Variants in LAMB1 observed in about 807,000 individuals in gnomAD.
LAMB1 encodes the protein laminin subunit beta 1.
A neutral mutation model predicts 222.3 loss-of-function variants in LAMB1; 121 were observed. The ratio of observed to expected loss-of-function variants is 0.54; its 90% CI spans 0.47 to 0.63. The LOEUF (loss-of-function observed/expected upper bound fraction) is 0.63, where lower values mean the gene tolerates loss of function less well. Ranked by LOEUF, LAMB1 falls within the 30% of genes least tolerant of loss-of-function variation. The pLI is 0.00. For synonymous variants in LAMB1, 794 were observed against 807.2 expected (o/e 0.98, Z 0.28); for missense variants, 2,172 against 2,240.8 (o/e 0.97, Z 0.62).
At chr7:108,002,496 T>C (rs2034410969) in intron 2 of LAMB1, 1 of 1,169,330 alleles carries the variant, frequency 8.6e-7, no homozygotes, top group South Asian at 1.6e-5. Flanking sequence ...CAATGGATTT[T>C]TGGAGAGCCC....
In LAMB1 at chr7:107,999,247, C is replaced by T. The variant is rs111822575; in HGVS notation, c.214-755G>A. On this transcript the variant is annotated intron_variant, in intron 3 of 33. Transcript: ENST00000222399. Reference sequence around the variant, plus strand: ...CTCCTAAAATGGGAGCCAGAGCCACCTGGGCAGTTGGGTTAGGAGAGTTAT... The same window carrying T: ...CTCCTAAAATGGGAGCCAGAGCCACTTGGGCAGTTGGGTTAGGAGAGTTAT... 1.0e-2 allele frequency among the ~76,000 whole-genome samples: 1,521 copies of T among 152,312 alleles called. 12 individuals carry two copies. The highest frequency in any genetic ancestry group is 0.027 in the South Asian group (132 of 4,822).
At chr7:107,954,190 T>C (rs2033325284) in intron 21 of LAMB1, among the ~76,000 whole-genome samples, 1 of 152,054 alleles carries the variant, frequency 6.6e-6, no homozygotes, top group African/African-American at 2.4e-5. Context: ...GGCCTTGCTT[T>C]ATCACCCAGG....
At position 107,980,728 on chromosome 7, in the gene LAMB1, T is replaced by C. The variant is rs774394092; in HGVS notation, c.760A>G (p.Ile254Val). The C allele has an allele frequency of 6.2e-7, 1 of 1,613,210 alleles. No homozygotes were observed. The highest frequency in any genetic ancestry group is 8.5e-7 in the Non-Finnish European group (1 of 1,179,144). The change falls in exon 8 of 34, where the codon ATC becomes GTC. Residue 254 changes from isoleucine to valine, a missense_variant. Transcript: ENST00000222399. ...GDNLLDSRME[I>V]REKYYYAVYD... ...ACTGCATAATAATACTTTTCTCTGA[T>C]TTCCATCCTGGAATCCAGAAGGTTA...
chr7:107,976,448 T>C (rs1291288183), intron 9 of LAMB1, among the ~76,000 whole-genome samples: 4 of 152,168 alleles, frequency 2.6e-5, no homozygotes, highest in Non-Finnish European at 5.9e-5. Flanking sequence ...AGCGCTTCCT[T>C]CTGCGAGCCC....
In LAMB1 at chr7:107,975,222, A is replaced by T; in HGVS notation, c.1369+12T>A. 1 of 1,603,008 alleles carries T rather than the reference A, an allele frequency of 6.2e-7. No individual in the cohort carries two copies. The highest frequency in any genetic ancestry group is 1.1e-5 in the South Asian group (1 of 90,268). ...CAAGAAAACTCCCAAACTTTTTAGCAAACAGACCTACATTTACAACCAAAT... is the reference window on the plus strand; with the variant it reads ...CAAGAAAACTCCCAAACTTTTTAGCTAACAGACCTACATTTACAACCAAAT... On this transcript the variant is annotated intron_variant, in intron 11 of 33. Transcript: ENST00000222399.
rs938276806 is a variant in LAMB1 at position 108,003,142 on chromosome 7, A to G, written c.-118T>C. 2 of 639,178 alleles carry G rather than the reference A, an allele frequency of 3.1e-6. No individual in the cohort carries two copies. Among genetic ancestry groups the G allele is most frequent in the Non-Finnish European group, 5.0e-6 (2 of 399,168 alleles). The allele number at this position is 639,178 out of a possible 1,614,324, so 39.6% of individuals were successfully genotyped here. On this transcript the variant is annotated 5_prime_UTR_variant, in exon 1 of 34. Coordinates refer to ENST00000222399, the MANE Select transcript of LAMB1 (RefSeq NM_002291.3). Reference sequence around the variant, plus strand: ...ACGCGAGCTCTCGCCCTGCTCCGGGAGCCCCCGAGCCCAAAGAAGGGAATT... The same window carrying G: ...ACGCGAGCTCTCGCCCTGCTCCGGGGGCCCCCGAGCCCAAAGAAGGGAATT...
intron 33 of LAMB1, 22 bp downstream of exon 33, chr7:107,924,208 A>C: frequency 1.9e-6 from 3 of 1,577,892 alleles, no homozygotes; most frequent in Non-Finnish European, 1.7e-6. Context: ...TTTAAAAAAT[A>C]AGCCTGTGTG....
rs545994571 is a variant in LAMB1 at position 107,977,286 on chromosome 7, C to A, written c.1000+761G>T. Among the ~76,000 whole-genome samples the A allele has an allele frequency of 9.9e-5, 15 of 152,242 alleles. No individual in the cohort carries two copies. The South Asian group carries it at 2.5e-3, about 25-fold the overall frequency. ...TCAAGGGGAGGACATGCATCAGAAT[C>A]ACTGTTTGTGGAGTGGGGAGGGGCA... On this transcript the variant is annotated intron_variant, in intron 9 of 33. Coordinates refer to ENST00000222399, the MANE Select transcript of LAMB1 (RefSeq NM_002291.3).
chr7:107,996,877 A>C (rs146247755), intron 4 of LAMB1, among the ~76,000 whole-genome samples: 2 of 152,358 alleles, frequency 1.3e-5, no homozygotes, highest in East Asian at 3.9e-4. Context: ...GGAGATCAGG[A>C]AATGTTCCTA....
chr7:107,983,547 CTTTTTTTTTTTTTTT>C (rs11458116), intron 7 of LAMB1, among the ~76,000 whole-genome samples: 1 of 111,142 alleles, frequency 9.0e-6, no homozygotes, highest in African/African-American at 3.6e-5. Context: ...CTCCAAAGCC[CTTTTTTTTTTTTTTT>C]TTTTTTTTGA....
intron 5 of LAMB1, among the ~76,000 whole-genome samples, chr7:107,993,908 G>T (rs1457941775): frequency 6.6e-6 from 1 of 152,150 alleles, no homozygotes; most frequent in Non-Finnish European, 1.5e-5. Flanking sequence ...GGGGATAAAG[G>T]CTCAGAGGCA....
At chr7:107,954,124 A>C (rs976918357) in intron 21 of LAMB1, among the ~76,000 whole-genome samples, 1 of 152,008 alleles carries the variant, frequency 6.6e-6, no homozygotes, top group African/African-American at 2.4e-5. Flanking sequence ...TAACAATGTA[A>C]AGCATAGCTT....
At position 107,955,568 on chromosome 7, in the gene LAMB1, G is replaced by A; in HGVS notation, c.2753C>T (p.Pro918Leu). ...IGSGDHCRPC[P>L]CPDGPDSGRQ... ...TCCACTGTCGGGACCATCTGGGCAA[G>A]GGCAAGGGCGGCAGTGATCTCCTGA... The change falls in exon 21 of 34, where the codon CCT becomes CTT. Residue 918 changes from proline to leucine, a missense_variant. Coordinates refer to ENST00000222399, the MANE Select transcript of LAMB1 (RefSeq NM_002291.3). 2 of 1,614,092 alleles carry A rather than the reference G, an allele frequency of 1.2e-6. No homozygotes were observed. The highest frequency in any genetic ancestry group is 1.7e-6 in the Non-Finnish European group (2 of 1,180,012).
chr7:107,982,119 T>G (rs1231396810), intron 7 of LAMB1, among the ~76,000 whole-genome samples: 1 of 152,246 alleles, frequency 6.6e-6, no homozygotes, highest in East Asian at 1.9e-4. Context: ...GACTTCTGCT[T>G]ATTGTAAATG....
intron 5 of LAMB1, among the ~76,000 whole-genome samples, chr7:107,992,171 A>G (rs917107855): frequency 3.9e-5 from 6 of 151,924 alleles, no homozygotes; most frequent in Non-Finnish European, 5.9e-5. Context: ...CCTTTCTTCC[A>G]TCTCCTCCCA....
chr7:107,937,323 G>A, intron 25 of LAMB1, 46 bp from the exon 26 acceptor site: 1 of 1,502,716 alleles, frequency 6.7e-7, no homozygotes, highest in South Asian at 1.1e-5. Flanking sequence ...AAACCCAAGG[G>A]AGAACTTTCA....
At chr7:107,968,224 T>C (rs1437735345) in intron 13 of LAMB1, among the ~76,000 whole-genome samples, 2 of 152,208 alleles carry the variant, frequency 1.3e-5, no homozygotes, top group Non-Finnish European at 1.5e-5. Context: ...ATTTATTACA[T>C]GTAATTACTC....
At chr7:107,947,912 G>A (rs931076501) in intron 24 of LAMB1, among the ~76,000 whole-genome samples, 2 of 151,208 alleles carry the variant, frequency 1.3e-5, no homozygotes, top group African/African-American at 2.4e-5. Context: ...GCCACTGTGG[G>A]CACAAAGGAG....
intron 18 of LAMB1, 35 bp from the exon 19 acceptor site, chr7:107,959,869 G>A (rs368859821): frequency 5.6e-6 from 9 of 1,601,126 alleles, no homozygotes; most frequent in Non-Finnish European, 7.7e-6. Flanking sequence ...CCATGACACG[G>A]AGCAGCACAT....
Sources: gnomAD v4.1 joint callset for allele counts (sites outside exome capture counted in the v4.1 genomes callset) on GRCh38, gnomAD v4.1.1 for gene constraint, MANE v1.5 for transcripts, NCBI Gene and HGNC (gene_info 2026-07-23, HGNC 2026-07-21) for gene names.